Variants in AKAP19 observed in about 807,000 individuals in gnomAD.
The protein encoded by AKAP19 is small A-kinase anchoring protein.
At chr2:190,078,998 G>GA in the AKAP19 span, among the ~76,000 whole-genome samples, 10,374 of 143,082 alleles carry the variant, frequency 0.073, 743 homozygotes, top group African/African-American at 0.18. Context: ...TTATAACTAT[G>GA]AAAAAAAACA....
chr2:190,086,061 G>T, the AKAP19 span, among the ~76,000 whole-genome samples: 7 of 152,122 alleles, frequency 4.6e-5, no homozygotes, highest in East Asian at 1.9e-4. Flanking sequence ...GAAATATTTG[G>T]GTAGGTTCTA....
At chr2:190,082,121 A>T in the AKAP19 span, among the ~76,000 whole-genome samples, 1 of 152,166 alleles carries the variant, frequency 6.6e-6, no homozygotes, top group Admixed American at 6.5e-5. Context: ...TTACCTTTTG[A>T]TGCCAGAGGG....
At chr2:190,088,730 C>A in the AKAP19 span, among the ~76,000 whole-genome samples, 1 of 152,020 alleles carries the variant, frequency 6.6e-6, no homozygotes, top group Non-Finnish European at 1.5e-5. Context: ...GAGATTTTTC[C>A]TGGACATCTC....
chr2:189,890,737 G>A, the AKAP19 span, among the ~76,000 whole-genome samples: 1 of 151,980 alleles, frequency 6.6e-6, no homozygotes, highest in South Asian at 2.1e-4. Flanking sequence ...GACTAGGATG[G>A]CAACCCCTGC....
chr2:190,148,461 A>C, the AKAP19 span, among the ~76,000 whole-genome samples: 160 of 152,176 alleles, frequency 1.1e-3, no homozygotes, highest in African/African-American at 3.7e-3. Flanking sequence ...ATCAGTCTGT[A>C]GTTTTCTTTT....
the AKAP19 span, among the ~76,000 whole-genome samples, chr2:190,044,764 T>A: frequency 2.0e-5 from 3 of 152,308 alleles, no homozygotes; most frequent in African/African-American, 7.2e-5. Flanking sequence ...TATTTTCCAG[T>A]ACCTGGAGAT....
chr2:189,965,972 A>G, the AKAP19 span, among the ~76,000 whole-genome samples: 10 of 149,660 alleles, frequency 6.7e-5, no homozygotes, highest in Non-Finnish European at 1.2e-4. Context: ...GTGTGTGTGT[A>G]TGTGTATATA....
At chr2:189,945,917 C>A in the AKAP19 span, among the ~76,000 whole-genome samples, 1 of 152,170 alleles carries the variant, frequency 6.6e-6, no homozygotes, top group Non-Finnish European at 1.5e-5. Flanking sequence ...GACTTCTGAA[C>A]TGTTTGCTTG....
chr2:190,192,144 A>C, the AKAP19 span, among the ~76,000 whole-genome samples: 1 of 152,104 alleles, frequency 6.6e-6, no homozygotes, highest in South Asian at 2.1e-4. Flanking sequence ...ATAAGGTATA[A>C]GTAGATTTTG....
the AKAP19 span, among the ~76,000 whole-genome samples, chr2:190,016,619 A>T: frequency 6.6e-6 from 1 of 152,166 alleles, no homozygotes; most frequent in East Asian, 1.9e-4. Flanking sequence ...CCTGTTATCA[A>T]TTTCTAGTTT....
the AKAP19 span, among the ~76,000 whole-genome samples, chr2:189,982,977 A>AATCC: frequency 6.6e-6 from 1 of 152,106 alleles, no homozygotes; most frequent in Non-Finnish European, 1.5e-5. Context: ...TTCAGCCTGT[A>AATCC]ATCCAGTAGA....
chr2:190,034,854 A>C, the AKAP19 span, among the ~76,000 whole-genome samples: 1 of 46,046 alleles, frequency 2.2e-5, no homozygotes, highest in Non-Finnish European at 6.5e-5. Flanking sequence ...ATCCTGTCTC[A>C]CCAAAAAAAA....
chr2:190,141,866 A>G, the AKAP19 span, among the ~76,000 whole-genome samples: 1 of 152,218 alleles, frequency 6.6e-6, no homozygotes, highest in African/African-American at 2.4e-5. Context: ...TCAAGCTGAA[A>G]TCTTTCTCCT....
the AKAP19 span, among the ~76,000 whole-genome samples, chr2:189,936,259 T>C: frequency 6.7e-6 from 1 of 148,952 alleles, no homozygotes; most frequent in Admixed American, 6.7e-5. Flanking sequence ...GACTTGTTGA[T>C]ACACACACAC....
chr2:190,146,066 T>C, the AKAP19 span, among the ~76,000 whole-genome samples: 1 of 152,104 alleles, frequency 6.6e-6, no homozygotes, highest in South Asian at 2.1e-4. Flanking sequence ...GAATAAGTTC[T>C]TTAGTGGTGA....
At chr2:190,129,354 A>G in the AKAP19 span, among the ~76,000 whole-genome samples, 3 of 152,214 alleles carry the variant, frequency 2.0e-5, no homozygotes, top group Admixed American at 1.3e-4. Context: ...CAAAATATAA[A>G]TGATTTTGTG....
the AKAP19 span, among the ~76,000 whole-genome samples, chr2:189,958,008 G>A: frequency 6.6e-6 from 1 of 152,088 alleles, no homozygotes; most frequent in South Asian, 2.1e-4. Context: ...TGGCCAGGCT[G>A]GTCTCGAACT....
At chr2:190,195,307 G>A in the AKAP19 span, among the ~76,000 whole-genome samples, 1 of 152,174 alleles carries the variant, frequency 6.6e-6, no homozygotes, top group Non-Finnish European at 1.5e-5. Flanking sequence ...TTTTTGCATG[G>A]ATTTAAGCGT....
At chr2:190,133,884 C>T in the AKAP19 span, among the ~76,000 whole-genome samples, 1 of 151,986 alleles carries the variant, frequency 6.6e-6, no homozygotes, top group Non-Finnish European at 1.5e-5. Flanking sequence ...TACAAAATTT[C>T]GGTTATGAGA....
Sources: gnomAD v4.1 joint callset for allele counts (sites outside exome capture counted in the v4.1 genomes callset) on GRCh38, gnomAD v4.1.1 for gene constraint, MANE v1.5 for transcripts, NCBI Gene and HGNC (gene_info 2026-07-23, HGNC 2026-07-21) for gene names.